Variants in SCN8A observed in about 807,000 individuals in gnomAD.
The protein encoded by SCN8A is sodium voltage-gated channel alpha subunit 8.
A neutral mutation model predicts 184.1 loss-of-function variants in SCN8A; 30 were observed. The observed-to-expected ratio is 0.16, with a 90% CI of 0.12 to 0.22. SCN8A has a LOEUF of 0.22. Ranked by LOEUF, SCN8A falls within the 10% of genes least tolerant of loss-of-function variation. SCN8A has a pLI of 1.00. For synonymous variants in SCN8A, 852 were observed against 907.0 expected (o/e 0.94, Z 1.09); for missense variants, 1,057 against 2,498.9 (o/e 0.42, Z 12.30).
chr12:51,616,391 T>C (rs1356394018), intron 1 of SCN8A, among the ~76,000 whole-genome samples: 1 of 152,060 alleles, frequency 6.6e-6, no homozygotes, highest in Non-Finnish European at 1.5e-5. Flanking sequence ...CACGGATCAC[T>C]TGAGGTCAGG....
rs756313977 is a variant in SCN8A, at chr12:51,689,113, A to C, written c.706+17A>C. On this transcript the variant is annotated intron_variant, in intron 6 of 26. Coordinates refer to ENST00000627620, the MANE Select transcript of SCN8A (RefSeq NM_001330260.2). ...TAATTCCAGGTGAGAAAATTTGTAC[A>C]TAAGACTGACTTTGCCACATCTCCT... 2 of 1,573,446 alleles carry C rather than the reference A, an allele frequency of 1.3e-6. No homozygotes were observed. The highest frequency in any genetic ancestry group is 1.1e-5 in the South Asian group (1 of 88,222).
Position 51,632,395 on chromosome 12 carries a change from C to T in SCN8A, c.-54-30369C>T, listed in dbSNP as rs75603912. Among the ~76,000 whole-genome samples, 15 of 152,274 alleles carry T rather than the reference C, an allele frequency of 9.9e-5. No homozygotes were observed. The East Asian group carries it at 2.9e-3, about 29-fold the overall frequency. Reference sequence around the variant, plus strand: ...CAGCTTGACTCAGTGTAAGGCATTGCTGGTTTCTTTGGGGCCTCCCTAGTT... The same window carrying T: ...CAGCTTGACTCAGTGTAAGGCATTGTTGGTTTCTTTGGGGCCTCCCTAGTT... On this transcript the variant is annotated intron_variant, in intron 1 of 26. Transcript: ENST00000627620.
At chr12:51,621,624 A>G (rs1939965132) in intron 1 of SCN8A, among the ~76,000 whole-genome samples, 1 of 152,162 alleles carries the variant, frequency 6.6e-6, no homozygotes. Flanking sequence ...TTTCCTCTGG[A>G]TGTGGAGAGA....
intron 21 of SCN8A, among the ~76,000 whole-genome samples, chr12:51,781,475 G>A (rs1391479612): frequency 6.6e-6 from 1 of 152,068 alleles, no homozygotes; most frequent in Non-Finnish European, 1.5e-5. Context: ...CTAGATGACT[G>A]AATATCAGCT....
chr12:51,762,807 C>A, intron 15 of SCN8A, 131 bp downstream of exon 15: 1 of 828,080 alleles, frequency 1.2e-6, no homozygotes, highest in Non-Finnish European at 1.7e-6. Flanking sequence ...AGTTATTTGG[C>A]TTAGCTACTA....
In SCN8A at chr12:51,670,744, A is replaced by T. The variant is rs544883397; in HGVS notation, c.276+7651A>T. Reference sequence around the variant, plus strand: ...TGAAGGTCTGAGTTACAGTGGTGGGAGTGGAAATTAAGGGGATTGGATGAA... The same window carrying T: ...TGAAGGTCTGAGTTACAGTGGTGGGTGTGGAAATTAAGGGGATTGGATGAA... On this transcript the variant is annotated intron_variant, in intron 2 of 26. Transcript: ENST00000627620. 2.6e-5 allele frequency among the ~76,000 whole-genome samples: 4 copies of T among 152,262 alleles called. No homozygotes were observed. The East Asian group carries it at 7.7e-4, about 29-fold the overall frequency.
At chr12:51,616,926 A>G (rs1394179806) in intron 1 of SCN8A, among the ~76,000 whole-genome samples, 1 of 152,156 alleles carries the variant, frequency 6.6e-6, no homozygotes, top group Non-Finnish European at 1.5e-5. Flanking sequence ...CTCAAAAAAA[A>G]AAAAAAAGTT....
intron 1 of SCN8A, among the ~76,000 whole-genome samples, chr12:51,643,490 T>C (rs1051519434): frequency 4.6e-5 from 7 of 152,264 alleles, no homozygotes; most frequent in Non-Finnish European, 1.0e-4. Flanking sequence ...TCTTTACTTC[T>C]GTGTATTTGG....
At position 51,614,201 on chromosome 12, in the gene SCN8A, T is replaced by G. The variant is rs557294531; in HGVS notation, c.-55+22842T>G. On this transcript the variant is annotated intron_variant, in intron 1 of 26. Coordinates refer to ENST00000627620, the MANE Select transcript of SCN8A (RefSeq NM_001330260.2). ...CCTTAGTTTTGTCCATCGACTATAC[T>G]TGTGGATTTGTCCATTTTATCCTTA... Among the ~76,000 whole-genome samples, 150 of 152,264 alleles carry G rather than the reference T, an allele frequency of 9.9e-4. 1 individual carries two copies. Among genetic ancestry groups the G allele is most frequent in the Middle Eastern group, 3.4e-3 (1 of 294 alleles).
At chr12:51,721,348 G>C (rs1329543303) in intron 11 of SCN8A, among the ~76,000 whole-genome samples, 198 bp from the exon 12 acceptor site, 1 of 151,938 alleles carries the variant, frequency 6.6e-6, no homozygotes, top group Non-Finnish European at 1.5e-5. Flanking sequence ...TCCGTAACTG[G>C]TCAAGCACAG....
At chr12:51,780,389 G>A (rs866744682) in intron 20 of SCN8A, 2 of 354,384 alleles carry the variant, frequency 5.6e-6, no homozygotes, top group Non-Finnish European at 1.1e-5. Flanking sequence ...CCGCCTTCTC[G>A]ATTTTCTCTT....
At chr12:51,751,740 C>A in intron 14 of SCN8A, 147 bp downstream of exon 14, 1 of 644,028 alleles carries the variant, frequency 1.6e-6, no homozygotes, top group Non-Finnish European at 2.7e-6. Flanking sequence ...GCCAGGACAC[C>A]AGCTGCTTTT....
intron 25 of SCN8A, among the ~76,000 whole-genome samples, chr12:51,793,507 A>G (rs1297515068): frequency 6.6e-6 from 1 of 152,196 alleles, no homozygotes. Flanking sequence ...AGAAAAGCTT[A>G]AGCATAAGTA....
intron 14 of SCN8A, among the ~76,000 whole-genome samples, chr12:51,756,997 A>G (rs1942685434): frequency 6.6e-6 from 1 of 152,234 alleles, no homozygotes; most frequent in African/African-American, 2.4e-5. Context: ...GCTAAAAAGA[A>G]TTCTTTTCAG....
At chr12:51,713,477 A>T in intron 11 of SCN8A, 1 of 768,840 alleles carries the variant, frequency 1.3e-6, no homozygotes. Context: ...GTAGTTTCAA[A>T]GTTCAGACTA....
At chr12:51,761,842 CA>C (rs1374061761) in intron 14 of SCN8A, among the ~76,000 whole-genome samples, 2 of 151,336 alleles carry the variant, frequency 1.3e-5, no homozygotes, top group African/African-American at 4.9e-5. Flanking sequence ...AACCGTGTAG[CA>C]ACATGGATAG....
intron 6 of SCN8A, chr12:51,690,147 A>G (rs1941482745): frequency 6.6e-6 from 1 of 152,228 alleles, no homozygotes; most frequent in Non-Finnish European, 1.5e-5. Context: ...TACTGGCAGT[A>G]ACTTGGCAGA....
chr12:51,635,189 A>G (rs1413523087), intron 1 of SCN8A, among the ~76,000 whole-genome samples: 2 of 152,230 alleles, frequency 1.3e-5, no homozygotes, highest in African/African-American at 2.4e-5. Context: ...TACTGTTCGT[A>G]GAACAGATTT....
At chr12:51,664,197 C>T (rs972790933) in intron 2 of SCN8A, among the ~76,000 whole-genome samples, 1 of 150,966 alleles carries the variant, frequency 6.6e-6, no homozygotes, top group South Asian at 2.1e-4. Flanking sequence ...CATAATTTAC[C>T]ATGTTTATTA....
Sources: gnomAD v4.1 joint callset for allele counts (sites outside exome capture counted in the v4.1 genomes callset) on GRCh38, gnomAD v4.1.1 for gene constraint, MANE v1.5 for transcripts, NCBI Gene and HGNC (gene_info 2026-07-23, HGNC 2026-07-21) for gene names.